The following STAM variants were observed in gnomAD, a reference collection of about 807,000 sequenced individuals.
The protein encoded by STAM is signal transducing adaptor molecule.
In STAM, 16 loss-of-function variants were observed where a neutral mutation model predicts 63.4. That is an observed-to-expected ratio of 0.25 (90% CI 0.17 to 0.38). The LOEUF is 0.38. Among genes scored for constraint, STAM ranks in the 10% least tolerant of loss-of-function variants. The pLI, the probability that STAM is intolerant of heterozygous loss-of-function variation, is 1.00. For synonymous variants in STAM, 238 were observed against 223.9 expected, an observed-to-expected ratio of 1.06 and a Z score of -0.56; for missense variants, 636 against 657.1, an observed-to-expected ratio of 0.97 and a Z score of 0.35.
At chr10:17,710,833 T>C (rs1836522284) in intron 13 of STAM, among the ~76,000 whole-genome samples, 1 of 152,228 alleles carries the variant, frequency 6.6e-6, no homozygotes, top group African/African-American at 2.4e-5. Flanking sequence ...CAGTTAGGTG[T>C]ATTTTTTAAA....
chr10:17,677,305 A>G (rs1469774653), intron 2 of STAM, among the ~76,000 whole-genome samples: 1 of 152,206 alleles, frequency 6.6e-6, no homozygotes, highest in African/African-American at 2.4e-5. Context: ...CTTAAAAAAA[A>G]GTGGTTTATA....
intron 13 of STAM, among the ~76,000 whole-genome samples, chr10:17,713,145 C>T (rs1488461239): frequency 6.6e-6 from 1 of 152,108 alleles, no homozygotes; most frequent in Non-Finnish European, 1.5e-5. Context: ...TGCTGGTGAC[C>T]ATTCTCTTTT....
At chr10:17,697,117 C>G (rs1554827668) in intron 8 of STAM, among the ~76,000 whole-genome samples, 1 of 152,116 alleles carries the variant, frequency 6.6e-6, no homozygotes, top group East Asian at 1.9e-4. Context: ...TTAGTAGAGA[C>G]AGGGTTTCAC....
chr10:17,707,965 G>A (rs1475106472), intron 12 of STAM, among the ~76,000 whole-genome samples: 8 of 151,436 alleles, frequency 5.3e-5, no homozygotes, highest in South Asian at 4.2e-4. Context: ...ATCTCAGCTC[G>A]CTGCCAGCTC....
chr10:17,670,389 TAGA>T (rs1554823937), intron 2 of STAM, among the ~76,000 whole-genome samples: 1 of 152,200 alleles, frequency 6.6e-6, no homozygotes, highest in East Asian at 1.9e-4. Context: ...GAGGCAAAAT[TAGA>T]AGTCAGATTT....
rs189691032 is a variant in STAM at position 17,715,079 on chromosome 10, C to G, written c.*299C>G. ...CCTGGTCTGCAGAAAGTCAAACTTA[C>G]AAAAACTGTTGTGACAAATGTTATG... On this transcript the variant is annotated 3_prime_UTR_variant, in exon 14 of 14. Coordinates refer to ENST00000377524, the MANE Select transcript of STAM (RefSeq NM_003473.4). The G allele has an allele frequency of 2.1e-5, 8 of 388,468 alleles. No individual in the cohort carries two copies. The highest frequency in any genetic ancestry group is 1.5e-5 in the Non-Finnish European group (3 of 206,070). 24.1% of individuals were successfully genotyped at this position (388,468 alleles called of 1,614,324 possible).
rs536593074 is a variant in STAM at position 17,674,667 on chromosome 10, T to G, written c.126-10008T>G. Among the ~76,000 whole-genome samples, 29 of 152,298 alleles carry G rather than the reference T, an allele frequency of 1.9e-4. No homozygotes were observed. The East Asian group carries it at 5.4e-3, about 28-fold the overall frequency. On this transcript the variant is annotated intron_variant, in intron 2 of 13. Coordinates refer to ENST00000377524, the MANE Select transcript of STAM (RefSeq NM_003473.4). ...TCAGAATGTCACTTCCACTATATTT[T>G]ATTGGTCAAGCAAGTCACTGAAGTC...
chr10:17,669,884 C>CTTTTTTTTTTTTTT (rs76381388), intron 2 of STAM, among the ~76,000 whole-genome samples: 235 of 120,732 alleles, frequency 1.9e-3, no homozygotes, highest in Middle Eastern at 5.4e-3. Context: ...CTTTTCTTTT[C>CTTTTTTTTTTTTTT]TTTTTTTTTT....
intron 2 of STAM, among the ~76,000 whole-genome samples, chr10:17,677,704 C>T (rs1464509604): frequency 6.6e-6 from 1 of 152,120 alleles, no homozygotes; most frequent in Admixed American, 6.5e-5. Context: ...AAATTGAATG[C>T]TTGGCACATA....
chr10:17,665,454 TG>T (rs749981904), intron 2 of STAM, among the ~76,000 whole-genome samples: 18 of 152,158 alleles, frequency 1.2e-4, no homozygotes, highest in Non-Finnish European at 1.9e-4. Context: ...TTTACACAAA[TG>T]TGAATACATT....
At chr10:17,709,035 G>A (rs1049189202) in intron 13 of STAM, 84 bp downstream of exon 13, 7 of 1,481,212 alleles carry the variant, frequency 4.7e-6, no homozygotes, top group Middle Eastern at 3.6e-4. Flanking sequence ...TATAAAATCT[G>A]GCTAATAAAT....
At chr10:17,706,694 A>C (rs1468587656) in intron 12 of STAM, among the ~76,000 whole-genome samples, 1 of 151,992 alleles carries the variant, frequency 6.6e-6, no homozygotes, top group Non-Finnish European at 1.5e-5. Context: ...CCATATTTTT[A>C]AAGCTTCGTA....
chr10:17,684,818 T>C lies in STAM; in HGVS notation c.202-14T>C. 5 of 1,613,898 alleles carry C rather than the reference T, an allele frequency of 3.1e-6. No homozygotes were observed. Among genetic ancestry groups the C allele is most frequent in the Non-Finnish European group, 4.2e-6 (5 of 1,179,882 alleles). The stretch of plus-strand genomic sequence containing the variant: ...ACAATTGAGCCCCTTTAACTTCTGA[T>C]TTTGTGCTTTTAGCTTCTAGGAGCA... On this transcript the variant is annotated splice_polypyrimidine_tract_variant and intron_variant, in intron 3 of 13. Coordinates refer to ENST00000377524, the MANE Select transcript of STAM (RefSeq NM_003473.4).
chr10:17,691,021 T>C (rs533588843), intron 5 of STAM, among the ~76,000 whole-genome samples: 5 of 152,210 alleles, frequency 3.3e-5, no homozygotes, highest in Non-Finnish European at 7.3e-5. Context: ...ATCTGTCTAA[T>C]TGTGAAGTTT....
intron 13 of STAM, among the ~76,000 whole-genome samples, chr10:17,713,026 A>G (rs11591730): frequency 0.12 from 18,281 of 152,086 alleles, 1,210 homozygotes; most frequent in Middle Eastern, 0.29. Flanking sequence ...TCTTGTCAAG[A>G]ACCCTGGTGA....
intron 2 of STAM, among the ~76,000 whole-genome samples, chr10:17,666,538 G>A (rs1834390931): frequency 6.6e-6 from 1 of 151,902 alleles, no homozygotes; most frequent in Admixed American, 6.6e-5. Flanking sequence ...GGGACTACAG[G>A]CACCCGCCAC....
intron 12 of STAM, among the ~76,000 whole-genome samples, chr10:17,706,655 A>T (rs972502128): frequency 1.1e-4 from 16 of 152,074 alleles, no homozygotes; most frequent in African/African-American, 3.4e-4. Flanking sequence ...CTGGGATTCC[A>T]GGTGTGAGCC....
chr10:17,664,437 C>T (rs1834296399), intron 2 of STAM, among the ~76,000 whole-genome samples: 1 of 152,132 alleles, frequency 6.6e-6, no homozygotes, highest in African/African-American at 2.4e-5. Context: ...TTTCCTCCAG[C>T]TCCTCTTAAA....
chr10:17,675,503 C>CAA (rs199745685), intron 2 of STAM, among the ~76,000 whole-genome samples: 6,141 of 110,702 alleles, frequency 0.055, 184 homozygotes, highest in African/African-American at 0.12. Context: ...GACTCTGTCT[C>CAA]AAAAAAAAAA....
Sources: allele counts gnomAD v4.1 joint callset (sites outside exome capture counted in the v4.1 genomes callset), GRCh38; gene constraint gnomAD v4.1.1; transcripts MANE v1.5; gene names NCBI Gene and HGNC (gene_info 2026-07-23, HGNC 2026-07-21).